The following AR variants were observed in gnomAD, a reference collection of about 807,000 sequenced individuals.
AR encodes androgen receptor.
In AR, 8 loss-of-function variants were observed where a neutral mutation model predicts 53.9. The observed-to-expected ratio is 0.15, with a 90% CI of 0.09 to 0.27. AR has a LOEUF of 0.27. Ranked by LOEUF, AR falls within the 10% of genes least tolerant of loss-of-function variation. The pLI is 1.00. For synonymous variants in AR, 359 were observed against 316.4 expected, an observed-to-expected ratio of 1.13 and a Z score of -1.43; for missense variants, 639 against 742.5, an observed-to-expected ratio of 0.86 and a Z score of 1.62.
At chrX:67,610,778 C>G (rs1360843785) in intron 1 of AR, among the ~76,000 whole-genome samples, 2 of 111,488 alleles carry the variant, frequency 1.8e-5, no homozygotes, top group Non-Finnish European at 3.8e-5. Flanking sequence ...TCATGTTTCC[C>G]TAACTCTTTT....
intron 1 of AR, among the ~76,000 whole-genome samples, chrX:67,611,682 G>A (rs1006061456): frequency 2.7e-5 from 3 of 111,344 alleles, no homozygotes; most frequent in Non-Finnish European, 5.7e-5. Context: ...AAAGACTCAC[G>A]AATTATGGAT....
At chrX:67,645,091 G>A (rs1429058608) in intron 2 of AR, among the ~76,000 whole-genome samples, 2 of 111,486 alleles carry the variant, frequency 1.8e-5, no homozygotes, top group South Asian at 3.8e-4. Context: ...CTCATCTAGA[G>A]GTAGTGTGTC....
intron 1 of AR, 54 bp downstream of exon 1, chrX:67,546,816 G>T: frequency 1.8e-6 from 2 of 1,137,306 alleles, no homozygotes; most frequent in Non-Finnish European, 2.4e-6. Context: ...GAGTCACTCT[G>T]TGTTCTGGGG....
intron 1 of AR, among the ~76,000 whole-genome samples, chrX:67,598,253 C>T (rs778618903): frequency 9.2e-4 from 100 of 108,769 alleles, no homozygotes; most frequent in Admixed American, 1.2e-3. Context: ...ATAAGCACCT[C>T]TTACTGCTTT....
At chrX:67,723,041 T>A (rs1403800832) in intron 7 of AR, 57 bp downstream of exon 7, 1 of 1,173,142 alleles carries the variant, frequency 8.5e-7, no homozygotes, top group Admixed American at 2.2e-5. Flanking sequence ...GAGCCAATGA[T>A]AATATGCTTC....
At chrX:67,645,130 TAGC>T (rs1480058092) in intron 2 of AR, among the ~76,000 whole-genome samples, 3 of 111,554 alleles carry the variant, frequency 2.7e-5, no homozygotes, top group Admixed American at 1.9e-4. Context: ...ACCACAGTAA[TAGC>T]AGCCATATCA....
intron 1 of AR, among the ~76,000 whole-genome samples, chrX:67,550,945 C>T (rs1929969587): frequency 9.4e-6 from 1 of 106,909 alleles, no homozygotes; most frequent in African/African-American, 3.5e-5. Context: ...AGATTAACCC[C>T]AGTATCTCTC....
intron 1 of AR, among the ~76,000 whole-genome samples, chrX:67,629,222 C>A (rs1924904317): frequency 9.2e-6 from 1 of 108,155 alleles, no homozygotes; most frequent in East Asian, 3.0e-4. Flanking sequence ...GTACCAGTTC[C>A]TCCTTGTACC....
chrX:67,696,080 G>A (rs931642252), intron 3 of AR: 4 of 744,626 alleles, frequency 5.4e-6, no homozygotes, highest in Non-Finnish European at 6.3e-6. Context: ...TACACCAATC[G>A]TATTTTCTTA....
At chrX:67,597,165 G>C (rs976952125) in intron 1 of AR, among the ~76,000 whole-genome samples, 4 of 112,117 alleles carry the variant, frequency 3.6e-5, no homozygotes, top group Admixed American at 2.8e-4. Context: ...TTTAGGCTTT[G>C]TGGGCCATAT....
intron 1 of AR, among the ~76,000 whole-genome samples, chrX:67,566,538 G>C (rs1039640765): frequency 9.0e-6 from 1 of 111,613 alleles, no homozygotes; most frequent in African/African-American, 3.3e-5. Context: ...GTGTGTATTT[G>C]TGTGTGTGAA....
At chrX:67,611,651 T>C (rs1602191452) in intron 1 of AR, among the ~76,000 whole-genome samples, 1 of 112,109 alleles carries the variant, frequency 8.9e-6, no homozygotes, top group Non-Finnish European at 1.9e-5. Context: ...TTAAATCATG[T>C]ACTGGAAGTA....
chrX:67,574,656 A>G (rs1921970372), intron 1 of AR, among the ~76,000 whole-genome samples: 1 of 111,552 alleles, frequency 9.0e-6, no homozygotes, highest in Non-Finnish European at 1.9e-5. Flanking sequence ...CGTTGAATTG[A>G]AGGTTGTGTT....
chrX:67,549,657 C>T (rs936985469), intron 1 of AR, among the ~76,000 whole-genome samples: 2 of 111,743 alleles, frequency 1.8e-5, no homozygotes, highest in African/African-American at 6.5e-5. Context: ...AATAATATGA[C>T]AAAAATTTAT....
intron 1 of AR, among the ~76,000 whole-genome samples, chrX:67,565,510 A>T (rs1321284639): frequency 8.9e-6 from 1 of 111,918 alleles, no homozygotes; most frequent in East Asian, 2.8e-4. Flanking sequence ...AATTCCTAGG[A>T]TGTATAAATT....
chrX:67,587,953 CTG>C (rs769001234), intron 1 of AR, among the ~76,000 whole-genome samples: 2 of 110,122 alleles, frequency 1.8e-5, no homozygotes, highest in Non-Finnish European at 3.8e-5. Flanking sequence ...AGTCTGCCTA[CTG>C]CTCCATGTTG....
intron 1 of AR, among the ~76,000 whole-genome samples, chrX:67,634,901 T>C (rs1165063771): frequency 9.0e-6 from 1 of 111,483 alleles, no homozygotes; most frequent in Non-Finnish European, 1.9e-5. Context: ...TTATGTTCCA[T>C]AAAGATGTTT....
At chrX:67,716,679 G>GAA (rs2076114877) in intron 4 of AR, among the ~76,000 whole-genome samples, 1 of 111,433 alleles carries the variant, frequency 9.0e-6, no homozygotes, top group African/African-American at 3.3e-5. Flanking sequence ...GCAAGAGAGG[G>GAA]AACATGAAAG....
chrX:67,690,265 A>G (rs1013760883), intron 3 of AR, among the ~76,000 whole-genome samples: 1 of 112,156 alleles, frequency 8.9e-6, no homozygotes, highest in Non-Finnish European at 1.9e-5. Context: ...GAGAATAAAA[A>G]CTTAACATAT....
Sources: allele counts gnomAD v4.1 joint callset (sites outside exome capture counted in the v4.1 genomes callset), GRCh38; gene constraint gnomAD v4.1.1; transcripts MANE v1.5; gene names NCBI Gene and HGNC (gene_info 2026-07-23, HGNC 2026-07-21).